Variants in SPINK5 observed in about 807,000 individuals in gnomAD.
SPINK5 encodes serine protease inhibitor Kazal-type 5.
Under a neutral mutation model 151.8 loss-of-function variants are expected in SPINK5, and 125 were observed. The ratio of observed to expected loss-of-function variants is 0.82; its 90% CI spans 0.71 to 0.96. SPINK5 has a LOEUF of 0.96. Ranked by LOEUF, SPINK5 falls within the 40% of genes least tolerant of loss-of-function variation. SPINK5 has a pLI of 0.00. For missense variants in SPINK5, 1,194 were observed against 1,291.9 expected (o/e 0.92, Z 1.16); for synonymous variants, 374 against 395.3 (o/e 0.95, Z 0.64).
chr5:148,121,305 C>A (rs1156251725), intron 26 of SPINK5, among the ~76,000 whole-genome samples: 2 of 138,256 alleles, frequency 1.4e-5, no homozygotes, highest in African/African-American at 5.1e-5. Flanking sequence ...TATTACACAG[C>A]ACAATCTTTT....
intron 8 of SPINK5, among the ~76,000 whole-genome samples, chr5:148,093,444 C>T (rs2113086168): frequency 6.6e-6 from 1 of 151,904 alleles, no homozygotes; most frequent in East Asian, 2.0e-4. Flanking sequence ...GAAATTAGAT[C>T]TACTCTCTCT....
intron 4 of SPINK5, among the ~76,000 whole-genome samples, chr5:148,081,771 C>G (rs958130883): frequency 1.3e-5 from 2 of 151,482 alleles, no homozygotes; most frequent in African/African-American, 4.8e-5. Flanking sequence ...TAACTAATAC[C>G]TCAATAAAGC....
chr5:148,073,858 AC>A (rs1561674391), intron 4 of SPINK5, among the ~76,000 whole-genome samples: 9 of 142,250 alleles, frequency 6.3e-5, no homozygotes, highest in Admixed American at 4.9e-4. Context: ...ACACACACAC[AC>A]ACAAAACTGT....
intron 17 of SPINK5, 45 bp downstream of exon 17, chr5:148,107,209 A>T: frequency 6.2e-7 from 1 of 1,602,082 alleles, no homozygotes; most frequent in Non-Finnish European, 8.5e-7. Flanking sequence ...TTCATCCATG[A>T]TCGCCCCTGA....
intron 18 of SPINK5, 58 bp downstream of exon 18, chr5:148,108,895 AG>A: frequency 6.2e-7 from 1 of 1,603,100 alleles, no homozygotes; most frequent in Non-Finnish European, 8.5e-7. Flanking sequence ...CTCCCTAGGG[AG>A]GGCTCCTATT....
chr5:148,083,602 ATTTC>A (rs1561679142), intron 4 of SPINK5, among the ~76,000 whole-genome samples: 7 of 151,358 alleles, frequency 4.6e-5, no homozygotes, highest in African/African-American at 4.8e-5. Context: ...TCTATTGTCA[ATTTC>A]TTTGTCTTCT....
chr5:148,101,454 AG>A lies in SPINK5; in HGVS notation c.1302+19del. 1 of 1,575,204 alleles carries A rather than the reference AG, an allele frequency of 6.3e-7. No homozygotes were observed. Among genetic ancestry groups the A allele is most frequent in the Non-Finnish European group, 8.7e-7 (1 of 1,144,470 alleles). On this transcript the variant is annotated intron_variant, in intron 14 of 32. Transcript: ENST00000256084. ...CCTTTGAGGTGAGTTTATATCCTCC[AG>A]CAACTCAGAGGGATATGGCCCTGAG...
intron 22 of SPINK5, 86 bp downstream of exon 22, chr5:148,116,552 A>C (rs1458470754): frequency 3.0e-6 from 4 of 1,331,372 alleles, no homozygotes; most frequent in Non-Finnish European, 4.3e-6. Flanking sequence ...GTCTATGGTA[A>C]AGGCAGTGCT....
intron 31 of SPINK5, 73 bp downstream of exon 31, chr5:148,131,462 G>A (rs539438628): frequency 1.3e-6 from 2 of 1,595,138 alleles, no homozygotes; most frequent in African/African-American, 2.7e-5. Flanking sequence ...CCATAGTAAT[G>A]CACTGATATA....
rs1363724 is a variant in SPINK5, at chr5:148,086,066, T to C, written c.283-339T>C. Among the ~76,000 whole-genome samples, 102,499 of 151,282 alleles carry C rather than the reference T, an allele frequency of 0.68. 35,423 individuals carry two copies. The highest frequency in any genetic ancestry group is 0.8 in the African/African-American group (33,121 of 41,350). On this transcript the variant is annotated intron_variant, in intron 4 of 32. Coordinates refer to ENST00000256084, the MANE Select transcript of SPINK5 (RefSeq NM_006846.4). Reference sequence around the variant, plus strand: ...TTATAGTTTACTTAGAGCTTTCATATCCGTAATCTACTGGGCCTCACTACT... The same window carrying C: ...TTATAGTTTACTTAGAGCTTTCATACCCGTAATCTACTGGGCCTCACTACT...
chr5:148,070,286 A>C, intron 2 of SPINK5, 37 bp from the exon 3 acceptor site: 13 of 1,609,324 alleles, frequency 8.1e-6, no homozygotes, highest in Non-Finnish European at 1.1e-5. Flanking sequence ...GTTTTGATGT[A>C]CTTTTAGCTA....
intron 4 of SPINK5, among the ~76,000 whole-genome samples, chr5:148,072,866 T>TAA (rs10628434): frequency 0.019 from 2,800 of 143,886 alleles, 93 homozygotes; most frequent in African/African-American, 0.067. Flanking sequence ...TGTTCTCTGG[T>TAA]AAAAAAAAAA....
At position 148,112,726 on chromosome 5, in the gene SPINK5, A is replaced by G. The variant is rs79688803; in HGVS notation, c.1821-142A>G. Reference sequence around the variant, plus strand: ...AGGACAAGAACAATGATGTAGAGAGATGTGTGTTTACCTTTCCACTCCAAA... The same window carrying G: ...AGGACAAGAACAATGATGTAGAGAGGTGTGTGTTTACCTTTCCACTCCAAA... On this transcript the variant is annotated intron_variant, in intron 19 of 32. Transcript: ENST00000256084. 137,295 of 1,308,536 alleles carry G rather than the reference A, an allele frequency of 0.1. 11,330 individuals are homozygous for G. Among genetic ancestry groups the G allele is most frequent in the East Asian group, 0.3 (11,860 of 39,186 alleles). The allele number at this position is 1,308,536 out of a possible 1,614,324, so 81.1% of individuals were successfully genotyped here.
In SPINK5 at chr5:148,065,537, C is replaced by T. The variant is rs78365969; in HGVS notation, c.81+165C>T. 0.015 allele frequency: 9,841 copies of T among 640,940 alleles called. 711 individuals are homozygous for T. In the African/African-American group the frequency reaches 0.23, roughly 15 times the overall value. 39.7% of individuals were successfully genotyped at this position (640,940 alleles called of 1,614,324 possible). ...AGATTTTTATGAATCAGGACATGAGCCTCTCTCTCACACACACACACACAC... is the reference window on the plus strand; with the variant it reads ...AGATTTTTATGAATCAGGACATGAGTCTCTCTCTCACACACACACACACAC... On this transcript the variant is annotated intron_variant, in intron 2 of 32. Transcript: ENST00000256084.
chr5:148,100,383 G>C, intron 12 of SPINK5, 71 bp from the exon 13 acceptor site: 2 of 1,488,768 alleles, frequency 1.3e-6, no homozygotes, highest in Non-Finnish European at 1.9e-6. Context: ...TTCTGCCAAT[G>C]TAGATGTTTG....
chr5:148,120,822 A>G (rs917159959), intron 26 of SPINK5, among the ~76,000 whole-genome samples: 3 of 152,116 alleles, frequency 2.0e-5, no homozygotes, highest in African/African-American at 7.2e-5. Flanking sequence ...TCAGATGCCA[A>G]AAATTACAAA....
rs1311850192 is a variant in SPINK5, at chr5:148,102,005, C to T, written c.1430+97C>T. The T allele has an allele frequency of 5.1e-6, 8 of 1,557,540 alleles. No homozygotes were observed. The South Asian group carries it at 9.0e-5, about 18-fold the overall frequency. On this transcript the variant is annotated intron_variant, in intron 15 of 32. Transcript: ENST00000256084. ...ATTGTGAATAATGCATTTTCTTCTT[C>T]AGTGTAGCATTCAGTCTTGGGTGTC...
intron 31 of SPINK5, 38 bp from the exon 32 acceptor site, chr5:148,133,759 A>G: frequency 2.5e-6 from 4 of 1,601,770 alleles, no homozygotes; most frequent in Non-Finnish European, 3.4e-6. Flanking sequence ...ATAACTGAGA[A>G]CTTCCTCGTT....
rs1240292714 is a variant in SPINK5, at chr5:148,124,077, C to T, written c.2666+117C>T. 6 of 1,160,884 alleles carry T rather than the reference C, an allele frequency of 5.2e-6. No homozygotes were observed. The Admixed American group carries it at 1.2e-4, about 23-fold the overall frequency. 71.9% of individuals were successfully genotyped at this position (1,160,884 alleles called of 1,614,324 possible). ...TCACACATTAATGATATGATACCTC[C>T]TCTCTTTTGAAGAGACAATTTCCAA... On this transcript the variant is annotated intron_variant, in intron 27 of 32. Transcript: ENST00000256084.
Sources: allele counts gnomAD v4.1 joint callset (sites outside exome capture counted in the v4.1 genomes callset), GRCh38; gene constraint gnomAD v4.1.1; transcripts MANE v1.5; gene names NCBI Gene and HGNC (gene_info 2026-07-23, HGNC 2026-07-21).